SLC25A48: variants seen among roughly 807,000 people sequenced by gnomAD.
The protein encoded by SLC25A48 is solute carrier family 25 member 48, also known as CTC-321K16.1.
In SLC25A48, 29 loss-of-function variants were observed where a neutral mutation model predicts 32.2. That is an observed-to-expected ratio of 0.90 (90% CI 0.67 to 1.23). The LOEUF is 1.23. Among genes scored for constraint, SLC25A48 ranks in the 50% most tolerant of loss-of-function variants. The pLI is 0.00. For synonymous variants in SLC25A48, 164 were observed against 172.3 expected, an observed-to-expected ratio of 0.95 and a Z score of 0.38; for missense variants, 399 against 422.7, an observed-to-expected ratio of 0.94 and a Z score of 0.49.
At chr5:135,665,748 C>A in intron 3 of SLC25A48, among the ~76,000 whole-genome samples, 1 of 136,056 alleles carries the variant, frequency 7.3e-6, no homozygotes, top group African/African-American at 2.7e-5. Context: ...TTCTTAAACA[C>A]TCTTGTTATT....
At chr5:135,708,083 G>GAA (rs1189306636) in intron 3 of SLC25A48, among the ~76,000 whole-genome samples, 6 of 152,178 alleles carry the variant, frequency 3.9e-5, no homozygotes, top group Non-Finnish European at 5.9e-5. Flanking sequence ...ATGGCACTGT[G>GAA]ACATGCACCC....
chr5:135,811,419 G>A (rs1475968025), intron 3 of SLC25A48, among the ~76,000 whole-genome samples: 1 of 152,168 alleles, frequency 6.6e-6, no homozygotes, highest in Admixed American at 6.5e-5. Context: ...GGCTAGGGGT[G>A]GGGGATTGAG....
intron 3 of SLC25A48, among the ~76,000 whole-genome samples, chr5:135,707,950 C>G (rs978501851): frequency 1.3e-5 from 2 of 151,906 alleles, no homozygotes; most frequent in Non-Finnish European, 2.9e-5. Context: ...ATGGATGGAT[C>G]GATGGATGGA....
At chr5:135,623,197 G>C (rs1015022117) in intron 1 of SLC25A48, among the ~76,000 whole-genome samples, 1 of 152,246 alleles carries the variant, frequency 6.6e-6, no homozygotes, top group Non-Finnish European at 1.5e-5. Context: ...AAAGACTCTA[G>C]TATGAGACTT....
At chr5:135,685,454 C>T (rs572524437) in intron 3 of SLC25A48, among the ~76,000 whole-genome samples, 2 of 118,540 alleles carry the variant, frequency 1.7e-5, no homozygotes, top group East Asian at 5.0e-4. Flanking sequence ...TTTTTTGAGA[C>T]AGACTTTTGC....
At chr5:135,863,957 C>T (rs1261495542) in intron 4 of SLC25A48, among the ~76,000 whole-genome samples, 1 of 152,082 alleles carries the variant, frequency 6.6e-6, no homozygotes, top group African/African-American at 2.4e-5. Flanking sequence ...TTCTTGAGGG[C>T]AAGTGGGAGG....
intron 3 of SLC25A48, among the ~76,000 whole-genome samples, chr5:135,785,762 C>T (rs1756827375): frequency 6.9e-6 from 1 of 145,336 alleles, no homozygotes; most frequent in Non-Finnish European, 1.5e-5. Context: ...GTGAAACATC[C>T]CGCTTGCCCC....
intron 1 of SLC25A48, among the ~76,000 whole-genome samples, chr5:135,616,894 C>T (rs1752203189): frequency 6.6e-6 from 1 of 152,130 alleles, no homozygotes; most frequent in Admixed American, 6.5e-5. Flanking sequence ...TTTCTATGTT[C>T]ATCAGGGATA....
At chr5:135,708,388 C>A (rs1436362329) in intron 3 of SLC25A48, among the ~76,000 whole-genome samples, 2 of 152,186 alleles carry the variant, frequency 1.3e-5, no homozygotes, top group Non-Finnish European at 2.9e-5. Context: ...TTTCTGCAGG[C>A]TCCTAGTATC....
In SLC25A48 at chr5:135,880,053, A is replaced by G. The variant is rs898503548; in HGVS notation, c.899A>G (p.Gln300Arg). Residue 300 changes from glutamine (Q) to arginine (R), a missense_variant, in exon 7 of 8, where the codon CAG (glutamine) becomes CGG (arginine). Physicochemically the swap from Gln to Arg is conservative, Grantham distance 43. Transcript: ENST00000681962. ...AMFLGYELSL[Q>R]AIRGDHAVTS... ...TTCCTTGGGTACGAGCTGTCGCTGCAGGCTATCCGCGGGGACCACGCAGTG... is the reference window on the plus strand; with the variant it reads ...TTCCTTGGGTACGAGCTGTCGCTGCGGGCTATCCGCGGGGACCACGCAGTG... The G allele has an allele frequency of 2.6e-6, 4 of 1,535,998 alleles. No homozygotes were observed. In the African/African-American group the frequency reaches 5.5e-5, roughly 21 times the overall value.
chr5:135,738,603 T>G (rs1053595134), intron 3 of SLC25A48, among the ~76,000 whole-genome samples: 2 of 152,190 alleles, frequency 1.3e-5, no homozygotes, highest in African/African-American at 2.4e-5. Flanking sequence ...ACAAGTTGCT[T>G]CTGCTCTCTA....
At chr5:135,654,128 G>C (rs897291083) in intron 3 of SLC25A48, among the ~76,000 whole-genome samples, 13 of 152,226 alleles carry the variant, frequency 8.5e-5, no homozygotes, top group African/African-American at 1.9e-4. Context: ...TAGGGAAAAG[G>C]AGTGCCCAAA....
chr5:135,880,679 C>A (rs1762400768), intron 7 of SLC25A48, among the ~76,000 whole-genome samples: 1 of 152,146 alleles, frequency 6.6e-6, no homozygotes, highest in Admixed American at 6.5e-5. Context: ...CTCCTTGGCT[C>A]CCCATTGCCC....
rs148004350 is a variant in SLC25A48, at chr5:135,851,069, T to G, written c.162+573T>G. ...CTCTTTGTGGAATTTAGAATAAATT[T>G]TAAAATTTTGAATGAAATGACCTGA... On this transcript the variant is annotated intron_variant, in intron 3 of 7. Coordinates refer to ENST00000681962, the MANE Select transcript of SLC25A48 (RefSeq NM_001349336.2). Among the ~76,000 whole-genome samples the G allele has an allele frequency of 1.3e-3, 197 of 152,294 alleles. 1 individual carries two copies. Among genetic ancestry groups the G allele is most frequent in the African/African-American group, 4.3e-3 (177 of 41,554 alleles).
At chr5:135,580,410 C>CAA (rs888592906) in intron 1 of SLC25A48, among the ~76,000 whole-genome samples, 2 of 152,168 alleles carry the variant, frequency 1.3e-5, no homozygotes, top group Non-Finnish European at 2.9e-5. Context: ...ATCAGCCTGG[C>CAA]AGTTCCCTGG....
At chr5:135,862,325 A>G (rs963713849) in intron 4 of SLC25A48, among the ~76,000 whole-genome samples, 1 of 152,264 alleles carries the variant, frequency 6.6e-6, no homozygotes, top group Non-Finnish European at 1.5e-5. Context: ...AAAGCCCTCC[A>G]CATAACAGGA....
At chr5:135,741,595 G>A (rs1240142581) in intron 3 of SLC25A48, among the ~76,000 whole-genome samples, 2 of 152,082 alleles carry the variant, frequency 1.3e-5, no homozygotes, top group Admixed American at 1.3e-4. Context: ...AAGATTAGCC[G>A]GGCATGGTGG....
At chr5:135,598,457 T>C (rs983867960) in intron 1 of SLC25A48, among the ~76,000 whole-genome samples, 3 of 152,220 alleles carry the variant, frequency 2.0e-5, no homozygotes, top group African/African-American at 7.2e-5. Context: ...AATGGCATAC[T>C]GTTAACTGAA....
At chr5:135,702,092 T>C (rs1754407957) in intron 3 of SLC25A48, among the ~76,000 whole-genome samples, 1 of 152,256 alleles carries the variant, frequency 6.6e-6, no homozygotes, top group Non-Finnish European at 1.5e-5. Context: ...GGTGGGAATT[T>C]GGCTACAAAG....
Sources: allele counts gnomAD v4.1 joint callset (sites outside exome capture counted in the v4.1 genomes callset), GRCh38; gene constraint gnomAD v4.1.1; transcripts MANE v1.5; gene names NCBI Gene and HGNC (gene_info 2026-07-23, HGNC 2026-07-21).